The following BMP7 variants were observed in gnomAD, a reference collection of about 807,000 sequenced individuals.
BMP7 encodes the protein bone morphogenetic protein 7, also known as osteogenic protein 1.
BMP7 carries 12 observed loss-of-function variants against 41.2 expected under a neutral mutation model. That is an observed-to-expected ratio of 0.29 (90% CI 0.19 to 0.47). BMP7 has a LOEUF of 0.47. Among genes scored for constraint, BMP7 ranks in the 20% least tolerant of loss-of-function variants. BMP7 has a pLI of 0.99. For synonymous variants in BMP7, 248 were observed against 250.0 expected (o/e 0.99, Z 0.07); for missense variants, 467 against 606.0 (o/e 0.77, Z 2.41).
At position 57,183,806 on chromosome 20, in the gene BMP7, G is replaced by A. The variant is rs1984145761; in HGVS notation, c.874C>T (p.Arg292Trp). The change falls in exon 4 of 7, where the codon CGG (arginine) becomes TGG (tryptophan). Residue 292 changes from arginine (R) to tryptophan (W), a missense_variant. This residue lies in a region of BMP7 where 407 missense variants were observed against 485.9 expected (regional missense o/e 0.84). Transcript: ENST00000395863. The part of the protein sequence containing the change: ...KATEVHFRSI[R>W]STGSKQRSQN... Reference sequence around the variant, plus strand: ...CTGCGCTGTTTGCTCCCCGTGGACCGGATGCTGCGGAAGTGGACCTCCGTG... The same window carrying A: ...CTGCGCTGTTTGCTCCCCGTGGACCAGATGCTGCGGAAGTGGACCTCCGTG... The A allele has an allele frequency of 6.2e-7, 1 of 1,614,186 alleles. No individual in the cohort carries two copies. The highest frequency in any genetic ancestry group is 8.5e-7 in the Non-Finnish European group (1 of 1,180,040).
intron 2 of BMP7, among the ~76,000 whole-genome samples, chr20:57,226,174 G>A (rs1266962557): frequency 6.6e-6 from 1 of 152,262 alleles, no homozygotes; most frequent in Non-Finnish European, 1.5e-5. Flanking sequence ...AGGCAAGACA[G>A]CAGAGGCACC....
At chr20:57,225,694 G>A (rs2066003230) in intron 2 of BMP7, among the ~76,000 whole-genome samples, 1 of 152,270 alleles carries the variant, frequency 6.6e-6, no homozygotes, top group South Asian at 2.1e-4. Context: ...CCAGAAAAAT[G>A]AATAAATAAT....
intron 1 of BMP7, among the ~76,000 whole-genome samples, chr20:57,244,339 G>A (rs2066081261): frequency 6.6e-6 from 1 of 152,220 alleles, no homozygotes; most frequent in African/African-American, 2.4e-5. Flanking sequence ...TGATTGCTCT[G>A]TTGCTTAGCA....
rs529425764 is a variant in BMP7 at position 57,214,311 on chromosome 20, C to A, written c.612-11688G>T. 6.6e-6 allele frequency among the ~76,000 whole-genome samples: 1 copy of A among 152,204 alleles called. No homozygotes were observed. Among genetic ancestry groups the A allele is most frequent in the Non-Finnish European group, 1.5e-5 (1 of 68,044 alleles). ...CTCTTCTCACCCCGCACTCCCCCTG[C>A]CCCAGCAGCTTGCAGGGGCTGAGCA... On this transcript the variant is annotated intron_variant, in intron 2 of 6. Transcript: ENST00000395863. The surrounding 1 kb of genome is among the most constrained non-coding windows in gnomAD (Gnocchi z 4.0).
At chr20:57,180,267 G>C (rs1984045840) in intron 4 of BMP7, among the ~76,000 whole-genome samples, 1 of 152,016 alleles carries the variant, frequency 6.6e-6, no homozygotes, top group Non-Finnish European at 1.5e-5. Flanking sequence ...ACTCCCAAGA[G>C]AATGCCTGAC....
chr20:57,169,689 G>C lies in BMP7; in HGVS notation c.*1270C>G, dbSNP rs1052133020. 1 of 152,342 alleles carries C rather than the reference G, an allele frequency of 6.6e-6. No individual in the cohort carries two copies. The highest frequency in any genetic ancestry group is 1.9e-4 in the East Asian group (1 of 5,186). 9.4% of individuals were successfully genotyped at this position (152,342 alleles called of 1,614,324 possible). A position where few individuals can be genotyped will look rare whatever the true frequency, so the allele number is the denominator to read the frequency against. The stretch of plus-strand genomic sequence containing the variant: ...ATGCCACTGCAGACAAAGACCAGAG[G>C]GTCCACTGGGGCGATGTGCAGTGCT... On this transcript the variant is annotated 3_prime_UTR_variant, in exon 7 of 7. Coordinates refer to ENST00000395863, the MANE Select transcript of BMP7 (RefSeq NM_001719.3).
At chr20:57,262,846 G>C (rs957782570) in intron 1 of BMP7, among the ~76,000 whole-genome samples, 13 of 152,156 alleles carry the variant, frequency 8.5e-5, no homozygotes, top group African/African-American at 2.9e-4. Context: ...GAATACTACA[G>C]ATCAACATGA....
In BMP7 at chr20:57,218,121, C is replaced by T. The variant is rs569271212; in HGVS notation, c.611+10108G>A. On this transcript the variant is annotated intron_variant, in intron 2 of 6. Transcript: ENST00000395863. ...CAGGGCCCGACACACAGAAGTACGC[C>T]GAGCTTGGTTTCATGCTCTGCTGTT... is the stretch of plus-strand genomic sequence containing the variant. Among the ~76,000 whole-genome samples, 17 of 152,344 alleles carry T rather than the reference C, an allele frequency of 1.1e-4. No homozygotes were observed. The East Asian group carries it at 2.9e-3, about 26-fold the overall frequency.
chr20:57,251,685 G>A lies in BMP7; in HGVS notation c.418+14020C>T, dbSNP rs187248792. On this transcript the variant is annotated intron_variant, in intron 1 of 6. Coordinates refer to ENST00000395863, the MANE Select transcript of BMP7 (RefSeq NM_001719.3). The stretch of plus-strand genomic sequence containing the variant: ...ACAGTGGCTCACGCCTGTAATCCCA[G>A]TACTTTGGGAGGCCGAGGCAGGCAG... Among the ~76,000 whole-genome samples, 17 of 152,318 alleles carry A rather than the reference G, an allele frequency of 1.1e-4. No homozygotes were observed. In the East Asian group the frequency reaches 1.9e-3, roughly 17 times the overall value.
chr20:57,258,648 C>T (rs920146144), intron 1 of BMP7, among the ~76,000 whole-genome samples: 19 of 152,230 alleles, frequency 1.2e-4, no homozygotes, highest in East Asian at 9.6e-4. Context: ...ATTAAATAAC[C>T]ATAGATGCTA....
chr20:57,265,361 G>C (rs1301747613), intron 1 of BMP7, among the ~76,000 whole-genome samples: 1 of 152,180 alleles, frequency 6.6e-6, no homozygotes, highest in South Asian at 2.1e-4. Flanking sequence ...TCCAGGTAGC[G>C]CGAGCCGCGC....
intron 1 of BMP7, among the ~76,000 whole-genome samples, chr20:57,264,655 AC>A (rs1258948428): frequency 6.6e-6 from 1 of 152,134 alleles, no homozygotes; most frequent in Admixed American, 6.5e-5. Flanking sequence ...AATCGCCAAA[AC>A]CTGTGGTTTG....
At chr20:57,188,801 A>G (rs1600732266) in intron 3 of BMP7, among the ~76,000 whole-genome samples, 1 of 152,170 alleles carries the variant, frequency 6.6e-6, no homozygotes, top group South Asian at 2.1e-4. Flanking sequence ...CATCCTCAAC[A>G]CAGCCCCAGG....
intron 2 of BMP7, among the ~76,000 whole-genome samples, chr20:57,221,824 A>C (rs1568720334): frequency 6.6e-6 from 1 of 151,522 alleles, no homozygotes; most frequent in Non-Finnish European, 1.5e-5. Flanking sequence ...AAAAAAAAAA[A>C]AAAAAAAAAA....
intron 1 of BMP7, among the ~76,000 whole-genome samples, chr20:57,237,309 G>T (rs1460775947): frequency 1.3e-5 from 2 of 152,126 alleles, no homozygotes; most frequent in African/African-American, 2.4e-5. Flanking sequence ...ACTGCTCAGG[G>T]CCCCATATCC....
intron 1 of BMP7, among the ~76,000 whole-genome samples, chr20:57,249,912 G>A (rs989498041): frequency 1.3e-5 from 2 of 152,024 alleles, no homozygotes; most frequent in East Asian, 3.9e-4. Context: ...CCTGAGCCTT[G>A]AGCCACCCAC....
chr20:57,255,140 T>C (rs1180642894), intron 1 of BMP7, among the ~76,000 whole-genome samples: 1 of 152,016 alleles, frequency 6.6e-6, no homozygotes, highest in Non-Finnish European at 1.5e-5. Context: ...GGTCTCAACA[T>C]CATCTCCTCC....
chr20:57,254,096 T>C (rs1055200325), intron 1 of BMP7, among the ~76,000 whole-genome samples: 2 of 145,066 alleles, frequency 1.4e-5, no homozygotes, highest in Non-Finnish European at 3.0e-5. Flanking sequence ...GATCTCGGCT[T>C]ACTGCAACCT....
intron 1 of BMP7, among the ~76,000 whole-genome samples, chr20:57,256,187 T>C (rs1220232771): frequency 2.6e-5 from 4 of 152,032 alleles, no homozygotes; most frequent in Non-Finnish European, 5.9e-5. Flanking sequence ...CCACTGGGAG[T>C]CAGGAAAAGA....
Sources: allele counts gnomAD v4.1 joint callset (sites outside exome capture counted in the v4.1 genomes callset), GRCh38; gene constraint gnomAD v4.1.1; regional missense constraint gnomAD v4.1.1; non-coding constraint Gnocchi (gnomAD v3.1); transcripts MANE v1.5; gene names NCBI Gene and HGNC (gene_info 2026-07-23, HGNC 2026-07-21).